Variants in AK9 observed in about 807,000 individuals in gnomAD.
The protein encoded by AK9 is adenylate kinase domain containing 1.
In AK9, 191 loss-of-function variants were observed where a neutral mutation model predicts 239.6. The ratio of observed to expected loss-of-function variants is 0.80; its 90% CI spans 0.71 to 0.90. AK9 has a LOEUF of 0.90. AK9 is among the 40% of genes least tolerant of loss of function. The pLI is 0.00. For missense variants in AK9, 1,995 were observed against 2,214.7 expected, an observed-to-expected ratio of 0.90 and a Z score of 1.99; for synonymous variants, 689 against 721.0, an observed-to-expected ratio of 0.96 and a Z score of 0.71.
Position 109,627,778 on chromosome 6 carries a change from G to A in AK9, c.1254+5145C>T, listed in dbSNP as rs566585806. 1.4e-3 allele frequency among the ~76,000 whole-genome samples: 219 copies of A among 152,024 alleles called. 3 individuals are homozygous for A. In the South Asian group the frequency reaches 0.015, roughly 10 times the overall value. On this transcript the variant is annotated intron_variant, in intron 12 of 40. Coordinates refer to ENST00000424296, the MANE Select transcript of AK9 (RefSeq NM_001145128.3). ...TCAAACAATTCTGCCTCAGTCTCCC[G>A]AATAGCTGGGATTACACATGTGCAC...
Position 109,516,047 on chromosome 6 carries a change from A to C in AK9, c.3875T>G (p.Ile1292Arg). Residue 1292 changes from isoleucine (I) to arginine (R), a missense_variant, in exon 31 of 41, where the codon ATA becomes AGA. Ile to Arg is a moderately conservative substitution (Grantham distance 97, BLOSUM62 -3). This residue lies in a region of AK9 where 1,290 missense variants were observed against 1,392.7 expected (regional missense o/e 0.93). Transcript: ENST00000424296. Reference protein sequence around the residue: ...QDELERYLIPIISINGARRNH... With the variant: ...QDELERYLIPRISINGARRNH... ...TCTCCGAGCTCCATTAATGGAAATT[A>C]TTGGTATCAAATACCTCTCAAGTTC... 1 of 1,550,678 alleles carries C rather than the reference A, an allele frequency of 6.4e-7. No homozygotes were observed. The highest frequency in any genetic ancestry group is 8.7e-7 in the Non-Finnish European group (1 of 1,146,134).
At chr6:109,688,418 A>G (rs1773834739) in intron 1 of AK9, among the ~76,000 whole-genome samples, 1 of 152,178 alleles carries the variant, frequency 6.6e-6, no homozygotes. Flanking sequence ...TGTCTCATTT[A>G]TCTTCATGAG....
intron 1 of AK9, among the ~76,000 whole-genome samples, chr6:109,686,714 C>A (rs938900374): frequency 2.0e-5 from 3 of 152,152 alleles, no homozygotes; most frequent in African/African-American, 7.2e-5. Flanking sequence ...AGAATAATTC[C>A]CCATTCAAAA....
chr6:109,620,876 C>T (rs962504231), intron 12 of AK9, among the ~76,000 whole-genome samples: 4 of 151,046 alleles, frequency 2.6e-5, no homozygotes, highest in African/African-American at 9.7e-5. Flanking sequence ...CAAACATATA[C>T]ATATATATGT....
Position 109,618,661 on chromosome 6 carries a change from C to T in AK9, c.1399+431G>A, listed in dbSNP as rs142622360. Among the ~76,000 whole-genome samples, 21 of 152,232 alleles carry T rather than the reference C, an allele frequency of 1.4e-4. No individual in the cohort carries two copies. The East Asian group carries it at 4.1e-3, about 29-fold the overall frequency. Reference sequence around the variant, plus strand: ...GGGTGTTAAGTGATCACAAAGGCTTCTTCTAGTTTCATCGCATTAAATTAA... The same window carrying T: ...GGGTGTTAAGTGATCACAAAGGCTTTTTCTAGTTTCATCGCATTAAATTAA... On this transcript the variant is annotated intron_variant, in intron 13 of 40. Transcript: ENST00000424296.
chr6:109,627,165 G>GC (rs1234714405), intron 12 of AK9, among the ~76,000 whole-genome samples: 1 of 97,754 alleles, frequency 1.0e-5, no homozygotes, highest in African/African-American at 4.1e-5. Context: ...TTTTAGCCTA[G>GC]CCCTACATGG....
At chr6:109,503,764 T>C (rs1191522994) in intron 35 of AK9, among the ~76,000 whole-genome samples, 2 of 152,204 alleles carry the variant, frequency 1.3e-5, no homozygotes, top group African/African-American at 4.8e-5. Flanking sequence ...CACCTGGCAC[T>C]GATTGCTCAC....
chr6:109,593,014 G>T (rs948705394), intron 17 of AK9, among the ~76,000 whole-genome samples: 1 of 151,950 alleles, frequency 6.6e-6, no homozygotes, highest in African/African-American at 2.4e-5. Flanking sequence ...TAACTAGTAG[G>T]TTGGGACACT....
At chr6:109,607,473 C>G (rs559089881) in intron 17 of AK9, among the ~76,000 whole-genome samples, 10 of 152,230 alleles carry the variant, frequency 6.6e-5, no homozygotes, top group African/African-American at 2.4e-4. Flanking sequence ...ATACCATTTA[C>G]ATTGTATTAG....
chr6:109,522,581 A>G (rs1157919930), intron 29 of AK9, among the ~76,000 whole-genome samples: 1 of 151,764 alleles, frequency 6.6e-6, no homozygotes, highest in Non-Finnish European at 1.5e-5. Flanking sequence ...CACTTTTTAT[A>G]GCATCTTCTT....
intron 28 of AK9, among the ~76,000 whole-genome samples, chr6:109,532,073 T>C (rs1781350843): frequency 1.3e-5 from 2 of 152,228 alleles, no homozygotes; most frequent in African/African-American, 4.8e-5. Flanking sequence ...TGGCAGTCTG[T>C]AATTTAATTG....
At chr6:109,669,778 T>C (rs1801808930) in intron 5 of AK9, among the ~76,000 whole-genome samples, 1 of 152,150 alleles carries the variant, frequency 6.6e-6, no homozygotes, top group Non-Finnish European at 1.5e-5. Flanking sequence ...TCAAACTGTA[T>C]TTAGCCGAGT....
chr6:109,638,385 T>C (rs979964183), intron 10 of AK9, among the ~76,000 whole-genome samples: 17 of 152,236 alleles, frequency 1.1e-4, no homozygotes, highest in Non-Finnish European at 2.9e-5. Context: ...ACTGAGATCT[T>C]GTTATGATAC....
chr6:109,661,671 CT>C (rs1249254209), intron 6 of AK9, among the ~76,000 whole-genome samples: 1 of 152,230 alleles, frequency 6.6e-6, no homozygotes, highest in Non-Finnish European at 1.5e-5. Context: ...ACATTCAGCA[CT>C]GCAAGGCCAC....
chr6:109,630,899 T>C (rs1284970459), intron 12 of AK9, among the ~76,000 whole-genome samples: 1 of 151,952 alleles, frequency 6.6e-6, no homozygotes, highest in Non-Finnish European at 1.5e-5. Flanking sequence ...GAGACACACA[T>C]ATGTATAAAA....
At chr6:109,679,635 C>T (rs147656634) in intron 1 of AK9, among the ~76,000 whole-genome samples, 2 of 152,106 alleles carry the variant, frequency 1.3e-5, no homozygotes, top group African/African-American at 4.8e-5. Context: ...GAAGTGGGTC[C>T]CTGACCCCCA....
intron 5 of AK9, among the ~76,000 whole-genome samples, chr6:109,667,301 G>T (rs562466571): frequency 6.8e-6 from 1 of 147,920 alleles, no homozygotes; most frequent in South Asian, 2.1e-4. Flanking sequence ...CACTCAAGTT[G>T]TTTTTTTTTT....
chr6:109,657,177 T>C (rs960020812), intron 7 of AK9, among the ~76,000 whole-genome samples: 2 of 152,122 alleles, frequency 1.3e-5, no homozygotes, highest in African/African-American at 4.8e-5. Context: ...ATAGAGAAAT[T>C]AGATTTCCTG....
At chr6:109,549,820 C>T (rs1179949303) in intron 25 of AK9, 9 of 250,724 alleles carry the variant, frequency 3.6e-5, no homozygotes, top group Non-Finnish European at 5.4e-5. Context: ...CGCGCGCCAC[C>T]ATGCCCGGCT....
Sources: allele counts gnomAD v4.1 joint callset (sites outside exome capture counted in the v4.1 genomes callset), GRCh38; gene constraint gnomAD v4.1.1; regional missense constraint gnomAD v4.1.1; transcripts MANE v1.5; gene names NCBI Gene and HGNC (gene_info 2026-07-23, HGNC 2026-07-21).